CNTNAP2: variants seen among roughly 807,000 people sequenced by gnomAD.
CNTNAP2 encodes the protein contactin-associated protein-like 2.
In CNTNAP2, 98 loss-of-function variants were observed where a neutral mutation model predicts 155.2. The ratio of observed to expected loss-of-function variants is 0.63; its 90% confidence interval spans 0.54 to 0.75. The LOEUF (loss-of-function observed/expected upper bound fraction) is 0.75. Among genes scored for constraint, CNTNAP2 ranks in the 30% least tolerant of loss-of-function variants. CNTNAP2 has a pLI of 0.00. For missense variants in CNTNAP2, 1,727 were observed against 1,688.1 expected, an observed-to-expected ratio of 1.02 and a Z score of -0.40; for synonymous variants, 651 against 631.2, an observed-to-expected ratio of 1.03 and a Z score of -0.47.
At chr7:148,036,990 ACTTT>A (rs1356990079) in intron 15 of CNTNAP2, among the ~76,000 whole-genome samples, 3 of 152,214 alleles carry the variant, frequency 2.0e-5, no homozygotes, top group Non-Finnish European at 4.4e-5. Flanking sequence ...AATTCTAATT[ACTTT>A]CTTTCAGATT....
chr7:147,968,911 C>T (rs562888318), intron 14 of CNTNAP2, among the ~76,000 whole-genome samples: 51 of 152,170 alleles, frequency 3.4e-4, no homozygotes, highest in Non-Finnish European at 6.3e-4. Context: ...TGTCCCAGTG[C>T]CCTGAGTAGA....
chr7:148,244,582 A>G (rs1348858994), intron 20 of CNTNAP2, among the ~76,000 whole-genome samples: 3 of 147,526 alleles, frequency 2.0e-5, no homozygotes, highest in African/African-American at 7.5e-5. Context: ...TTTTTTTTCA[A>G]TACAGGGTTT....
intron 1 of CNTNAP2, among the ~76,000 whole-genome samples, chr7:146,343,069 T>C (rs992187805): frequency 6.6e-6 from 1 of 152,164 alleles, no homozygotes; most frequent in African/African-American, 2.4e-5. Flanking sequence ...CTGTGTTTGG[T>C]AAAGAAGGTT....
chr7:147,168,665 T>C (rs1802168807), intron 8 of CNTNAP2, among the ~76,000 whole-genome samples: 1 of 152,150 alleles, frequency 6.6e-6, no homozygotes, highest in African/African-American at 2.4e-5. Context: ...TTTCCATTGC[T>C]ATCATATTAG....
intron 9 of CNTNAP2, among the ~76,000 whole-genome samples, chr7:147,307,416 A>T (rs1795051109): frequency 7.4e-6 from 1 of 135,952 alleles, no homozygotes; most frequent in Non-Finnish European, 1.7e-5. Context: ...TATCTCTACT[A>T]AAAAAAACCA....
chr7:147,718,481 G>C (rs1043416449), intron 13 of CNTNAP2, among the ~76,000 whole-genome samples: 13 of 151,980 alleles, frequency 8.6e-5, no homozygotes, highest in African/African-American at 3.1e-4. Flanking sequence ...TCCAGTTTTT[G>C]CATAAGAATC....
chr7:148,110,249 T>C (rs1198171513), intron 15 of CNTNAP2, among the ~76,000 whole-genome samples: 1 of 152,082 alleles, frequency 6.6e-6, no homozygotes, highest in Non-Finnish European at 1.5e-5. Flanking sequence ...ACAATTCCAC[T>C]GTACACATGA....
intron 8 of CNTNAP2, among the ~76,000 whole-genome samples, chr7:147,271,922 C>T (rs1804761728): frequency 6.6e-6 from 1 of 152,114 alleles, no homozygotes; most frequent in South Asian, 2.1e-4. Context: ...GATGGAGTTT[C>T]ACTCTTGTTG....
intron 1 of CNTNAP2, among the ~76,000 whole-genome samples, chr7:146,304,041 C>T (rs7779493): frequency 0.23 from 34,542 of 149,480 alleles, 11,214 homozygotes; most frequent in African/African-American, 0.73. Flanking sequence ...TTGTCTCTTT[C>T]GATCTTTGTT....
At chr7:147,228,506 A>T (rs1472597090) in intron 8 of CNTNAP2, among the ~76,000 whole-genome samples, 1 of 152,194 alleles carries the variant, frequency 6.6e-6, no homozygotes, top group African/African-American at 2.4e-5. Flanking sequence ...AAGACTGAGC[A>T]GATGACTCAC....
At chr7:147,342,788 T>C (rs1330382123) in intron 9 of CNTNAP2, among the ~76,000 whole-genome samples, 1 of 152,090 alleles carries the variant, frequency 6.6e-6, no homozygotes, top group Non-Finnish European at 1.5e-5. Flanking sequence ...CCTAAAAATA[T>C]TAATAAGTGT....
intron 13 of CNTNAP2, among the ~76,000 whole-genome samples, chr7:147,801,332 T>A (rs1173134532): frequency 9.3e-5 from 14 of 150,562 alleles, no homozygotes; most frequent in African/African-American, 3.4e-4. Flanking sequence ...TTTTAATTTT[T>A]TTTTTTTTTT....
chr7:148,369,794 A>T (rs1315801460), intron 21 of CNTNAP2, among the ~76,000 whole-genome samples: 1 of 152,050 alleles, frequency 6.6e-6, no homozygotes, highest in East Asian at 1.9e-4. Flanking sequence ...GTCCGGCTCT[A>T]CGCCCTGTGT....
At chr7:147,151,352 A>G (rs564398814) in intron 8 of CNTNAP2, among the ~76,000 whole-genome samples, 1 of 152,104 alleles carries the variant, frequency 6.6e-6, no homozygotes, top group Non-Finnish European at 1.5e-5. Context: ...GAGTATAATT[A>G]CTCTTTTGTA....
At chr7:147,886,940 A>C (rs1799609769) in intron 13 of CNTNAP2, among the ~76,000 whole-genome samples, 1 of 152,198 alleles carries the variant, frequency 6.6e-6, no homozygotes, top group African/African-American at 2.4e-5. Flanking sequence ...GTCCTTTTAT[A>C]GTATGTTTTC....
chr7:146,259,099 T>A (rs1291264480), intron 1 of CNTNAP2, among the ~76,000 whole-genome samples: 1 of 152,176 alleles, frequency 6.6e-6, no homozygotes, highest in Non-Finnish European at 1.5e-5. Flanking sequence ...GCTGTCTCTC[T>A]CCTGCCACCT....
intron 13 of CNTNAP2, among the ~76,000 whole-genome samples, chr7:147,880,069 A>G (rs1799492708): frequency 6.6e-6 from 1 of 152,236 alleles, no homozygotes; most frequent in Admixed American, 6.5e-5. Flanking sequence ...CTTCTCCCGC[A>G]GCGTTAGCGC....
intron 2 of CNTNAP2, among the ~76,000 whole-genome samples, chr7:146,829,045 T>C (rs969894525): frequency 1.3e-5 from 2 of 152,086 alleles, no homozygotes; most frequent in South Asian, 2.1e-4. Context: ...TTGTCTCTTA[T>C]AATCTTAGGG....
chr7:147,093,176 G>C (rs1800449964), intron 4 of CNTNAP2, among the ~76,000 whole-genome samples: 1 of 148,288 alleles, frequency 6.7e-6, no homozygotes, highest in Non-Finnish European at 1.5e-5. Flanking sequence ...GGGAGGCGGA[G>C]CTTGCAGTGA....
Sources: gnomAD v4.1 joint callset for allele counts (sites outside exome capture counted in the v4.1 genomes callset) on GRCh38, gnomAD v4.1.1 for gene constraint, MANE v1.5 for transcripts, NCBI Gene and HGNC (gene_info 2026-07-23, HGNC 2026-07-21) for gene names.